The following NEDD4L variants were observed in gnomAD, a reference collection of about 807,000 sequenced individuals.
The protein encoded by NEDD4L is NEDD4 like E3 ubiquitin protein ligase.
NEDD4L carries 54 observed loss-of-function variants against 148.9 expected under a neutral mutation model. The ratio of observed to expected loss-of-function variants is 0.36; its 90% CI spans 0.29 to 0.45. The LOEUF is 0.45. Among genes scored for constraint, NEDD4L ranks in the 20% least tolerant of loss-of-function variants. The probability of loss-of-function intolerance (pLI) is 1.00; values close to 1 mark genes in which losing one functional copy is unlikely to be tolerated. For synonymous variants in NEDD4L, 433 were observed against 440.7 expected, an observed-to-expected ratio of 0.98 and a Z score of 0.22; for missense variants, 856 against 1,233.8, an observed-to-expected ratio of 0.69 and a Z score of 4.59.
At chr18:58,153,731 C>T (rs2146355581) in intron 1 of NEDD4L, among the ~76,000 whole-genome samples, 1 of 152,168 alleles carries the variant, frequency 6.6e-6, no homozygotes. Context: ...ACTGCAAGCT[C>T]TGCCTCATGG....
chr18:58,227,872 C>G lies in NEDD4L; in HGVS notation c.123-17555C>G, dbSNP rs1348258574. 4.1e-6 allele frequency: 4 copies of G among 982,348 alleles called. No homozygotes were observed. The African/African-American group carries it at 7.0e-5, about 17-fold the overall frequency. 60.9% of individuals were successfully genotyped at this position (982,348 alleles called of 1,614,324 possible). ...TTGAACTTTTTTTTGGTCGTGACAT[C>G]AGAAAAATAACCAAGTGTGAGTCTG... On this transcript the variant is annotated intron_variant, in intron 2 of 30. Coordinates refer to ENST00000400345, the MANE Select transcript of NEDD4L (RefSeq NM_001144967.3).
chr18:58,106,915 G>A (rs1242596047), intron 1 of NEDD4L, among the ~76,000 whole-genome samples: 1 of 152,190 alleles, frequency 6.6e-6, no homozygotes, highest in Non-Finnish European at 1.5e-5. Context: ...GAGGAAGTGG[G>A]TTAGTCTGCT....
chr18:58,302,776 T>G (rs2056643894), intron 5 of NEDD4L, among the ~76,000 whole-genome samples: 1 of 152,202 alleles, frequency 6.6e-6, no homozygotes, highest in Non-Finnish European at 1.5e-5. Flanking sequence ...GGTGCCCATT[T>G]AGCTAGCTCT....
intron 1 of NEDD4L, chr18:58,046,060 T>C (rs1487888628): frequency 6.6e-6 from 1 of 152,158 alleles, no homozygotes. Context: ...GGAAGGGTGT[T>C]TAGGGTATGA....
chr18:58,176,205 C>T (rs1207805728), intron 2 of NEDD4L, among the ~76,000 whole-genome samples: 1 of 152,138 alleles, frequency 6.6e-6, no homozygotes, highest in African/African-American at 2.4e-5. Flanking sequence ...CTCTCACTCT[C>T]CCCCTGTCTC....
chr18:58,182,509 C>G (rs564087361), intron 2 of NEDD4L, among the ~76,000 whole-genome samples: 1 of 111,428 alleles, frequency 9.0e-6, no homozygotes, highest in Admixed American at 9.9e-5. Context: ...GCATTGATAC[C>G]TTTTTTTTTT....
intron 30 of NEDD4L, among the ~76,000 whole-genome samples, chr18:58,394,526 G>C (rs888936899): frequency 6.6e-6 from 1 of 152,218 alleles, no homozygotes; most frequent in African/African-American, 2.4e-5. Flanking sequence ...TCGGTGAAAG[G>C]CTCTTTTAAA....
At chr18:58,080,369 GTT>G (rs1451250543) in intron 1 of NEDD4L, among the ~76,000 whole-genome samples, 1 of 152,226 alleles carries the variant, frequency 6.6e-6, no homozygotes, top group African/African-American at 2.4e-5. Context: ...ACCCTTTGAG[GTT>G]TTTGGTTCTC....
intron 1 of NEDD4L, among the ~76,000 whole-genome samples, chr18:58,057,570 A>G (rs2082144306): frequency 6.6e-6 from 1 of 152,132 alleles, no homozygotes; most frequent in African/African-American, 2.4e-5. Context: ...GCTGCTTGGC[A>G]TTAGTCTGGG....
chr18:58,393,823 A>G (rs1203936527), intron 30 of NEDD4L, among the ~76,000 whole-genome samples: 3 of 152,274 alleles, frequency 2.0e-5, no homozygotes, highest in Non-Finnish European at 4.4e-5. Flanking sequence ...CTAGAAGAGC[A>G]GAAGCTGAAG....
intron 2 of NEDD4L, among the ~76,000 whole-genome samples, chr18:58,233,276 G>A (rs1307917390): frequency 6.6e-6 from 1 of 152,074 alleles, no homozygotes; most frequent in Non-Finnish European, 1.5e-5. Context: ...CCGTTTTCAC[G>A]CTGCTGGTAA....
At chr18:58,343,214 G>T (rs2042637400) in intron 16 of NEDD4L, 111 bp downstream of exon 16, 2 of 1,060,744 alleles carry the variant, frequency 1.9e-6, no homozygotes, top group African/African-American at 1.6e-5. Context: ...GACTGTAAAG[G>T]GTGTCTCCAG....
intron 24 of NEDD4L, among the ~76,000 whole-genome samples, chr18:58,378,956 G>A (rs1729379307): frequency 6.6e-6 from 1 of 152,198 alleles, no homozygotes; most frequent in Non-Finnish European, 1.5e-5. Flanking sequence ...AGTTTATGCT[G>A]GGGCCAGTAG....
chr18:58,059,858 G>A (rs73959464), intron 1 of NEDD4L, among the ~76,000 whole-genome samples: 5,663 of 152,144 alleles, frequency 0.037, 255 homozygotes, highest in African/African-American at 0.11. Context: ...TATGTATTTC[G>A]AAATAACATG....
intron 1 of NEDD4L, among the ~76,000 whole-genome samples, chr18:58,147,810 G>T (rs995401192): frequency 6.6e-6 from 1 of 152,058 alleles, no homozygotes; most frequent in Non-Finnish European, 1.5e-5. Flanking sequence ...CCCTTTTCAT[G>T]CCTGTGACCT....
chr18:58,290,105 A>C (rs1302140350), intron 5 of NEDD4L, among the ~76,000 whole-genome samples: 2 of 152,214 alleles, frequency 1.3e-5, no homozygotes, highest in Non-Finnish European at 2.9e-5. Flanking sequence ...ATCATCATAA[A>C]CTCCTAGACA....
intron 2 of NEDD4L, among the ~76,000 whole-genome samples, chr18:58,174,433 G>C (rs1476351586): frequency 6.6e-6 from 1 of 152,144 alleles, no homozygotes; most frequent in Non-Finnish European, 1.5e-5. Context: ...TTGGCTCGAA[G>C]GTGGGGTTTC....
At chr18:58,222,682 A>G (rs2043900238) in intron 2 of NEDD4L, among the ~76,000 whole-genome samples, 1 of 152,246 alleles carries the variant, frequency 6.6e-6, no homozygotes, top group Non-Finnish European at 1.5e-5. Flanking sequence ...GAGCCGGGTT[A>G]CTTTCAGTAA....
At chr18:58,295,636 C>T (rs1174049961) in intron 5 of NEDD4L, among the ~76,000 whole-genome samples, 2 of 151,956 alleles carry the variant, frequency 1.3e-5, no homozygotes, top group Non-Finnish European at 2.9e-5. Context: ...ATCATATAGC[C>T]TCAGAAAGCA....
Sources: gnomAD v4.1 joint callset for allele counts (sites outside exome capture counted in the v4.1 genomes callset) on GRCh38, gnomAD v4.1.1 for gene constraint, MANE v1.5 for transcripts, NCBI Gene and HGNC (gene_info 2026-07-23, HGNC 2026-07-21) for gene names.